The following ABCB4 variants were observed in gnomAD, a reference collection of about 807,000 sequenced individuals.
ABCB4 encodes the protein phosphatidylcholine translocator ABCB4.
ABCB4 carries 76 observed loss-of-function variants against 145.7 expected under a neutral mutation model. That is an observed-to-expected ratio of 0.52 (90% confidence interval 0.43 to 0.63). ABCB4 has a LOEUF of 0.63. ABCB4 is among the 30% of genes least tolerant of loss of function. ABCB4 has a pLI of 0.00. For synonymous variants in ABCB4, 517 were observed against 566.8 expected (o/e 0.91, Z 1.25); for missense variants, 1,234 against 1,553.1 (o/e 0.79, Z 3.45).
At chr7:87,424,934 T>C (rs1425649411) in intron 16 of ABCB4, among the ~76,000 whole-genome samples, 1 of 152,134 alleles carries the variant, frequency 6.6e-6, no homozygotes, top group African/African-American at 2.4e-5. Flanking sequence ...CCCAAAAACT[T>C]GAGGTCACTG....
intron 3 of ABCB4, among the ~76,000 whole-genome samples, chr7:87,465,630 C>G (rs1812824862): frequency 6.6e-6 from 1 of 152,200 alleles, no homozygotes; most frequent in Non-Finnish European, 1.5e-5. Flanking sequence ...CCCCGAGTAG[C>G]CTAACTGGGA....
At chr7:87,397,952 C>G (rs1807596184), downstream of ABCB4, among the ~76,000 whole-genome samples, 1 of 152,174 alleles carries the variant, frequency 6.6e-6, no homozygotes, top group African/African-American at 2.4e-5. Flanking sequence ...CTATTTATTT[C>G]AGCTTCCCAG....
At chr7:87,457,947 C>T (rs1368086708) in intron 4 of ABCB4, among the ~76,000 whole-genome samples, 1 of 152,152 alleles carries the variant, frequency 6.6e-6, no homozygotes, top group Non-Finnish European at 1.5e-5. Flanking sequence ...TCTCTCCTTT[C>T]TTTGTGTTAC....
At position 87,417,365 on chromosome 7, in the gene ABCB4, AT is replaced by A; in HGVS notation, c.2628del (p.Lys876AsnfsTer25). ...IIAVSGIVEM[K>X]LLAGNAKRDK... ...TCTCTTTTGGCATTTCCAGCCAACA[AT>A]TTCATTTCAACAATTCCTGACACAG... On this transcript the variant is annotated frameshift_variant, in exon 21 of 28. Coordinates refer to ENST00000649586, the MANE Select transcript of ABCB4 (RefSeq NM_000443.4). LOFTEE classifies it high-confidence loss of function. 2 of 1,614,100 alleles carry A rather than the reference AT, an allele frequency of 1.2e-6. No homozygotes were observed. The highest frequency in any genetic ancestry group is 1.7e-6 in the Non-Finnish European group (2 of 1,180,002).
Position 87,401,937 on chromosome 7 carries a change from C to T in ABCB4, c.*159G>A, listed in dbSNP as rs1584662106. 3 of 977,912 alleles carry T rather than the reference C, an allele frequency of 3.1e-6. No homozygotes were observed. The East Asian group carries it at 7.8e-5, about 26-fold the overall frequency. The allele number at this position is 977,912 out of a possible 1,614,324, so 60.6% of individuals were successfully genotyped here. ...GGTGTCACTTCTAACTCTCAAATTT[C>T]AAATGCCGTAATAAACCCCAAATTG... On this transcript the variant is annotated 3_prime_UTR_variant, in exon 28 of 28. Coordinates refer to ENST00000649586, the MANE Select transcript of ABCB4 (RefSeq NM_000443.4).
chr7:87,440,211 C>A lies in ABCB4; in HGVS notation c.1548G>T (p.Met516Ile). 1 of 1,614,018 alleles carries A rather than the reference C, an allele frequency of 6.2e-7. No individual in the cohort carries two copies. The highest frequency in any genetic ancestry group is 8.5e-7 in the Non-Finnish European group (1 of 1,179,924). Residue 516 changes from methionine to isoleucine, a missense_variant, in exon 13 of 28, where the codon ATG (methionine) becomes ATT (isoleucine). By Grantham distance (10) the Met-to-Ile change is conservative. Transcript: ENST00000649586. The stretch of plus-strand genomic sequence containing the variant: ...TCAGAGGCTTTACCTGTGGTAATTT[C>A]ATGATAAACTCATAGGCGTTGGCCT... ...VKEANAYEFI[M>I]KLPQKFDTLV...
intron 8 of ABCB4, among the ~76,000 whole-genome samples, chr7:87,447,833 T>C (rs890409650): frequency 6.6e-6 from 1 of 152,250 alleles, no homozygotes; most frequent in African/African-American, 2.4e-5. Flanking sequence ...TTCCAGACTT[T>C]AGTTTCATAT....
chr7:87,417,582 C>G, intron 20 of ABCB4, 67 bp from the exon 21 acceptor site: 1 of 1,299,694 alleles, frequency 7.7e-7, no homozygotes, highest in Non-Finnish European at 1.1e-6. Flanking sequence ...CAGCCTTAGC[C>G]TCTTGGTCAG....
chr7:87,419,997 C>CCTGTCTT lies in ABCB4; in HGVS notation c.2388_2394dup (p.Asp799LysfsTer8), dbSNP rs1280761712. ...AGGCATTCTCCAGCGCACACTCCTACCTGTCTTAGCATTGCTTTAAAAGCC... is the reference window on the plus strand; with the variant it reads ...AGGCATTCTCCAGCGCACACTCCTACCTGTCTTCTGTCTTAGCATTGCTTTAAAAGCC... On this transcript the variant is annotated frameshift_variant and splice_region_variant. Coordinates refer to ENST00000649586, the MANE Select transcript of ABCB4 (RefSeq NM_000443.4). LOFTEE classifies it high-confidence loss of function. 1 of 1,613,902 alleles carries CCTGTCTT rather than the reference C, an allele frequency of 6.2e-7. No homozygotes were observed. Among genetic ancestry groups the CCTGTCTT allele is most frequent in the Non-Finnish European group, 8.5e-7 (1 of 1,179,808 alleles).
In ABCB4 at chr7:87,443,346, C is replaced by T; in HGVS notation, c.1329G>A (p.Gln443=). The T allele has an allele frequency of 6.2e-7, 1 of 1,614,150 alleles. No individual in the cohort carries two copies. The highest frequency in any genetic ancestry group is 1.7e-5 in the Admixed American group (1 of 60,016). Residue 443 remains glutamine (Q), a synonymous_variant, in exon 12 of 28, where the codon CAG becomes CAA. Transcript: ENST00000649586. ...CGKSTTVQLI[Q]RLYDPDEGTI... ...TGCCCTCATCAGGGTCATAGAGCCTCTGTATCAGCTGGACCGTTGTGCTCT... is the reference window on the plus strand; with the variant it reads ...TGCCCTCATCAGGGTCATAGAGCCTTTGTATCAGCTGGACCGTTGTGCTCT...
At chr7:87,376,043 A>C in the ABCB4 span, 1 of 1,275,798 alleles carries the variant, frequency 7.8e-7, no homozygotes, top group Middle Eastern at 2.4e-4. Flanking sequence ...TTCTTTTTCT[A>C]CCTTTAGGCT....
At chr7:87,427,473 C>G (rs1402758951) in intron 15 of ABCB4, among the ~76,000 whole-genome samples, 2 of 152,064 alleles carry the variant, frequency 1.3e-5, no homozygotes, top group East Asian at 3.9e-4. Flanking sequence ...GATCAGTTCT[C>G]TTTTTAATGG....
chr7:87,418,474 T>C, intron 20 of ABCB4, 63 bp downstream of exon 20: 1 of 1,417,866 alleles, frequency 7.1e-7, no homozygotes, highest in Non-Finnish European at 1.0e-6. Context: ...AGTGTGGGTA[T>C]GCTACATGCT....
chr7:87,388,218 C>A, the ABCB4 span, among the ~76,000 whole-genome samples: 1 of 151,842 alleles, frequency 6.6e-6, no homozygotes, highest in African/African-American at 2.4e-5. Flanking sequence ...TTTATAGATT[C>A]GATGCTATCT....
At chr7:87,462,105 C>T (rs1812495959) in intron 4 of ABCB4, among the ~76,000 whole-genome samples, 2 of 152,244 alleles carry the variant, frequency 1.3e-5, no homozygotes, top group South Asian at 4.2e-4. Flanking sequence ...ATGAAAATAA[C>T]CATGTCTATT....
At chr7:87,432,858 T>C (rs566497402) in intron 14 of ABCB4, among the ~76,000 whole-genome samples, 19 of 152,302 alleles carry the variant, frequency 1.2e-4, no homozygotes, top group African/African-American at 4.1e-4. Flanking sequence ...GTGAATTTTA[T>C]GGCATGTGTT....
At chr7:87,385,476 ATTTG>A in the ABCB4 span, among the ~76,000 whole-genome samples, 2 of 151,442 alleles carry the variant, frequency 1.3e-5, no homozygotes, top group African/African-American at 4.9e-5. Flanking sequence ...TGCTTTCTTG[ATTTG>A]TTTTTCAGAT....
intron 22 of ABCB4, among the ~76,000 whole-genome samples, chr7:87,412,632 C>G (rs1392995887): frequency 2.6e-5 from 4 of 152,260 alleles, no homozygotes; most frequent in African/African-American, 9.6e-5. Context: ...TCCAAAAGAA[C>G]TATAATTGAG....
chr7:87,447,555 A>T (rs1424718571), intron 8 of ABCB4, among the ~76,000 whole-genome samples: 1 of 152,344 alleles, frequency 6.6e-6, no homozygotes, highest in Non-Finnish European at 1.5e-5. Flanking sequence ...AATGAGAGAA[A>T]CCAAGCCAAA....
Sources: gnomAD v4.1 joint callset for allele counts (sites outside exome capture counted in the v4.1 genomes callset) on GRCh38, gnomAD v4.1.1 for gene constraint, MANE v1.5 for transcripts, NCBI Gene and HGNC (gene_info 2026-07-23, HGNC 2026-07-21) for gene names.